FRMD3: variants seen among roughly 807,000 people sequenced by gnomAD.
FRMD3 encodes FERM domain containing 3.
A neutral mutation model predicts 70.2 loss-of-function variants in FRMD3; 33 were observed. That is an observed-to-expected ratio of 0.47 (90% CI 0.36 to 0.63). FRMD3 has a LOEUF of 0.63. Among genes scored for constraint, FRMD3 ranks in the 20% least tolerant of loss-of-function variants. The pLI, the probability that FRMD3 is intolerant of heterozygous loss-of-function variation, is 0.00. For missense variants in FRMD3, 632 were observed against 711.4 expected, an observed-to-expected ratio of 0.89 and a Z score of 1.27; for synonymous variants, 279 against 255.9, an observed-to-expected ratio of 1.09 and a Z score of -0.86.
chr9:83,351,832 C>A (rs375853661), intron 3 of FRMD3, among the ~76,000 whole-genome samples: 1 of 152,140 alleles, frequency 6.6e-6, no homozygotes, highest in Non-Finnish European at 1.5e-5. Flanking sequence ...ATTCTCCAAC[C>A]CATATTAACA....
chr9:83,562,896 C>CA, the FRMD3 span, among the ~76,000 whole-genome samples: 3 of 151,718 alleles, frequency 2.0e-5, no homozygotes, highest in African/African-American at 7.3e-5. Context: ...CCAATGCCCC[C>CA]CCCCCAGCAC....
upstream of FRMD3, among the ~76,000 whole-genome samples, chr9:83,540,037 T>C (rs1169968763): frequency 6.6e-6 from 1 of 152,160 alleles, no homozygotes; most frequent in African/African-American, 2.4e-5. Context: ...AGTCTCTCCA[T>C]TTCTTTTCTC....
intron 1 of FRMD3, among the ~76,000 whole-genome samples, chr9:83,519,988 T>A (rs1829535892): frequency 6.6e-6 from 1 of 151,936 alleles, no homozygotes; most frequent in Non-Finnish European, 1.5e-5. Flanking sequence ...CACTGGGGCC[T>A]GTTGGGGGAT....
At chr9:83,295,976 C>G (rs1333045891) in intron 12 of FRMD3, among the ~76,000 whole-genome samples, 1 of 152,220 alleles carries the variant, frequency 6.6e-6, no homozygotes, top group Non-Finnish European at 1.5e-5. Context: ...TCTACATAAA[C>G]ACACACACCT....
intron 1 of FRMD3, among the ~76,000 whole-genome samples, chr9:83,479,379 G>C (rs1205347214): frequency 7.7e-6 from 1 of 130,222 alleles, no homozygotes; most frequent in Non-Finnish European, 1.6e-5. Context: ...AAGAGGAGGA[G>C]GAGGAGAAAA....
chr9:83,294,447 T>C (rs10867978), intron 12 of FRMD3, among the ~76,000 whole-genome samples: 75,636 of 152,102 alleles, frequency 0.5, 20,641 homozygotes, highest in South Asian at 0.7. Flanking sequence ...TTTAAACTTT[T>C]TAAAGGTGCC....
chr9:83,448,575 G>A (rs56232497), intron 1 of FRMD3, among the ~76,000 whole-genome samples: 6,644 of 152,188 alleles, frequency 0.044, 198 homozygotes, highest in Middle Eastern at 0.075. Context: ...GCACCAGCTC[G>A]GTTTCCAAAG....
chr9:83,243,212 G>A, downstream of FRMD3: 4 of 1,550,332 alleles, frequency 2.6e-6, no homozygotes, highest in Non-Finnish European at 3.5e-6. Flanking sequence ...TTACTGCATG[G>A]AGACTGGAAG....
At chr9:83,300,480 G>A (rs553163399) in intron 10 of FRMD3, among the ~76,000 whole-genome samples, 12 of 152,336 alleles carry the variant, frequency 7.9e-5, no homozygotes, top group Admixed American at 5.9e-4. Flanking sequence ...TCACTTCTAA[G>A]TGGGAGCTAA....
At chr9:83,473,185 G>A (rs1294068720) in intron 1 of FRMD3, among the ~76,000 whole-genome samples, 1 of 152,022 alleles carries the variant, frequency 6.6e-6, no homozygotes, top group Non-Finnish European at 1.5e-5. Flanking sequence ...CAGGACTCCA[G>A]CCCCTAGACT....
At position 83,270,953 on chromosome 9, in the gene FRMD3, C is replaced by T. The variant is rs114628699; in HGVS notation, c.1195+19650G>A. ...AACCATATGTCTTAACATACTATTA[C>T]GAGTTACTCCTCCCCAATAGTAGCA... is the stretch of plus-strand genomic sequence containing the variant. On this transcript the variant is annotated intron_variant, in intron 13 of 13. Transcript: ENST00000304195. 6.2e-3 allele frequency among the ~76,000 whole-genome samples: 943 copies of T among 151,376 alleles called. 14 individuals are homozygous for T. Among genetic ancestry groups the T allele is most frequent in the African/African-American group, 0.021 (870 of 41,234 alleles).
In FRMD3 at chr9:83,366,269, T is replaced by G. The variant is rs1244270575; in HGVS notation, c.295+6644A>C. 2.6e-5 allele frequency among the ~76,000 whole-genome samples: 4 copies of G among 152,130 alleles called. No individual in the cohort carries two copies. The East Asian group carries it at 7.7e-4, about 29-fold the overall frequency. On this transcript the variant is annotated intron_variant, in intron 3 of 13. Coordinates refer to ENST00000304195, the MANE Select transcript of FRMD3 (RefSeq NM_174938.6). ...GAGCGATTTTCTGAAAGTGATCAAATTCAACACTAGGAGATCCTAGGCCAG... is the reference window on the plus strand; with the variant it reads ...GAGCGATTTTCTGAAAGTGATCAAAGTCAACACTAGGAGATCCTAGGCCAG...
chr9:83,372,803 C>G lies in FRMD3; in HGVS notation c.295+110G>C, dbSNP rs991613105. On this transcript the variant is annotated intron_variant, in intron 3 of 13. Coordinates refer to ENST00000304195, the MANE Select transcript of FRMD3 (RefSeq NM_174938.6). ...GGGGAGAGAGAAGCCCCCACACCCC[C>G]CAACACCTCTTCAACTCTATTATTC... is the stretch of plus-strand genomic sequence containing the variant. The G allele has an allele frequency of 2.8e-5, 28 of 1,001,978 alleles. No homozygotes were observed. The African/African-American group carries it at 2.9e-4, about 10-fold the overall frequency. 62.1% of individuals were successfully genotyped at this position (1,001,978 alleles called of 1,614,324 possible).
intron 3 of FRMD3, among the ~76,000 whole-genome samples, chr9:83,355,870 A>G (rs536943743): frequency 1.3e-5 from 2 of 152,296 alleles, no homozygotes; most frequent in Non-Finnish European, 2.9e-5. Context: ...AGTGAAATCC[A>G]CTTTGAAATG....
Position 83,446,988 on chromosome 9 carries a change from TTTTTGTTTTGTTTTGTTTTG to T in FRMD3, c.148-57300_148-57281del, listed in dbSNP as rs141194581. ...CCTCCTCACAGACAGCAGATCAGGG[TTTTTGTTTTGTTTTGTTTTG>T]TTTTGTTTTGTTTTGTTTTGTTTTG... On this transcript the variant is annotated intron_variant, in intron 1 of 13. Transcript: ENST00000304195. Among the ~76,000 whole-genome samples, 362 of 146,856 alleles carry T rather than the reference TTTTTGTTTTGTTTTGTTTTG, an allele frequency of 2.5e-3. 11 individuals carry two copies. In the South Asian group the frequency reaches 0.052, roughly 21 times the overall value.
chr9:83,275,419 C>T (rs368613546), intron 13 of FRMD3, among the ~76,000 whole-genome samples: 5 of 152,114 alleles, frequency 3.3e-5, no homozygotes, highest in African/African-American at 1.2e-4. Context: ...CAAAACTAGC[C>T]CACCCAAAAA....
At chr9:83,521,460 T>C (rs1007194928) in intron 1 of FRMD3, among the ~76,000 whole-genome samples, 2 of 152,108 alleles carry the variant, frequency 1.3e-5, no homozygotes, top group Non-Finnish European at 2.9e-5. Flanking sequence ...CCCTCTAGCC[T>C]GGGTGAAAAA....
intron 13 of FRMD3, among the ~76,000 whole-genome samples, chr9:83,288,753 T>G (rs1386085658): frequency 6.6e-6 from 1 of 152,238 alleles, no homozygotes; most frequent in Non-Finnish European, 1.5e-5. Flanking sequence ...TCCATACAGT[T>G]GCTATGTCAA....
chr9:83,577,435 G>A, the FRMD3 span, among the ~76,000 whole-genome samples: 2 of 152,052 alleles, frequency 1.3e-5, no homozygotes, highest in South Asian at 2.1e-4. Flanking sequence ...TCAACAGAAC[G>A]TCAAGACAAT....
Sources: gnomAD v4.1 joint callset for allele counts (sites outside exome capture counted in the v4.1 genomes callset) on GRCh38, gnomAD v4.1.1 for gene constraint, MANE v1.5 for transcripts, NCBI Gene and HGNC (gene_info 2026-07-23, HGNC 2026-07-21) for gene names.